Variants in ADGRE2 observed in about 807,000 individuals in gnomAD.
ADGRE2 encodes the protein adhesion G protein-coupled receptor E2, also known as CD97 antigen.
Under a neutral mutation model 100.8 loss-of-function variants are expected in ADGRE2, and 83 were observed. The observed-to-expected ratio is 0.82, with a 90% confidence interval of 0.69 to 0.99. ADGRE2 has a LOEUF of 0.99. ADGRE2 is among the 50% of genes least tolerant of loss of function. The probability of loss-of-function intolerance (pLI) is 0.00; values close to 1 mark genes in which losing one functional copy is unlikely to be tolerated. For synonymous variants in ADGRE2, 355 were observed against 413.0 expected (o/e 0.86, Z 1.70); for missense variants, 814 against 1,035.7 (o/e 0.79, Z 2.94).
chr19:14,778,022 G>C (rs1476437157), intron 1 of ADGRE2, among the ~76,000 whole-genome samples: 1 of 152,154 alleles, frequency 6.6e-6, no homozygotes, highest in Non-Finnish European at 1.5e-5. Flanking sequence ...CAATGGGATC[G>C]CTGAGTCAAA....
At chr19:14,752,253 C>A in intron 15 of ADGRE2, 76 bp downstream of exon 15, 3 of 1,562,392 alleles carry the variant, frequency 1.9e-6, no homozygotes, top group Non-Finnish European at 2.6e-6. Flanking sequence ...ATTAAGGAAT[C>A]AAATGCCGCA....
rs780336044 is a variant in ADGRE2, at chr19:14,751,640, T to A, written c.1820A>T (p.His607Leu). 6 of 1,613,862 alleles carry A rather than the reference T, an allele frequency of 3.7e-6. No homozygotes were observed. Among genetic ancestry groups the A allele is most frequent in the Non-Finnish European group, 5.1e-6 (6 of 1,180,000 alleles). Residue 607 changes from histidine (H) to leucine (L), a missense_variant, in exon 16 of 21, where the codon CAC (histidine) becomes CTC (leucine). By Grantham distance (99) the His-to-Leu change is moderately conservative. Transcript: ENST00000315576. Reference sequence around the variant, plus strand: ...GGTCAAGGTGGCCAGGTAGAGATAGTGCAAGGTACCGGCGATGATGGAGCA... The same window carrying A: ...GGTCAAGGTGGCCAGGTAGAGATAGAGCAAGGTACCGGCGATGATGGAGCA... ...VLCSIIAGTL[H>L]YLYLATLTWM...
rs2286363 is a variant in ADGRE2, at chr19:14,776,877, G to A, written c.-121C>T. On this transcript the variant is annotated 5_prime_UTR_variant, in exon 2 of 21. Transcript: ENST00000315576. ...CCGAGGCCAGGACTTTATAAAGGAG[G>A]GGGGGCGGACAGCCGCTGGCCCAGG... 27 of 1,535,736 alleles carry A rather than the reference G, an allele frequency of 1.8e-5. No individual in the cohort carries two copies. The highest frequency in any genetic ancestry group is 1.7e-4 in the Admixed American group (8 of 47,702).
At chr19:14,762,635 A>G (rs199808545) in intron 11 of ADGRE2, among the ~76,000 whole-genome samples, 5 of 147,456 alleles carry the variant, frequency 3.4e-5, no homozygotes, top group South Asian at 2.2e-4. Flanking sequence ...TCTTATTTTT[A>G]TTTTTAATTT....
Position 14,743,665 on chromosome 19 carries a change from C to T in ADGRE2, c.2303G>A (p.Ser768Asn). 6.2e-7 allele frequency: 1 copy of T among 1,614,182 alleles called. No homozygotes were observed. Among genetic ancestry groups the T allele is most frequent in the Non-Finnish European group, 8.5e-7 (1 of 1,180,028 alleles). ...CAGGAAGATGAAGACACCCTGCAGG[C>T]TGTTGATGATGGTGAAGAGGTAGGC... ...VMAYLFTIIN[S>N]LQGVFIFLVY... The change falls in exon 19 of 21, where the codon AGC (serine) becomes AAC (asparagine). Residue 768 changes from serine to asparagine, a missense_variant. Around this residue, in one of 5 missense-constraint regions of ADGRE2, gnomAD observed 569 missense variants for 692.7 expected, o/e 0.82. Transcript: ENST00000315576.
In ADGRE2 at chr19:14,751,641, G is replaced by A. The variant is rs1360727317; in HGVS notation, c.1819C>T (p.His607Tyr). ...GTCAAGGTGGCCAGGTAGAGATAGT[G>A]CAAGGTACCGGCGATGATGGAGCAC... ...VLCSIIAGTL[H>Y]YLYLATLTWM... is the part of the protein sequence containing the mutation. The change falls in exon 16 of 21, where the codon CAC becomes TAC. Residue 607 changes from histidine to tyrosine, a missense_variant. This residue lies in a region of ADGRE2 where 569 missense variants were observed against 692.7 expected (regional missense o/e 0.82). Transcript: ENST00000315576. The A allele has an allele frequency of 6.2e-7, 1 of 1,613,932 alleles. No individual in the cohort carries two copies. The highest frequency in any genetic ancestry group is 1.7e-5 in the Admixed American group (1 of 59,978).
rs1274626509 is a variant in ADGRE2 at position 14,755,104 on chromosome 19, C to T, written c.1440G>A (p.Val480=). Residue 480 remains valine, a synonymous_variant, in exon 14 of 21, where the codon GTG becomes GTA. Transcript: ENST00000315576. ...SHRSVIPRQK[V]LCVFWEHGQN... ...GGCCATGCTCCCAGAAGACACAGAGCACCTTCTGTCTCGGGATCACTGACT... is the reference window on the plus strand; with the variant it reads ...GGCCATGCTCCCAGAAGACACAGAGTACCTTCTGTCTCGGGATCACTGACT... 1 of 1,613,982 alleles carries T rather than the reference C, an allele frequency of 6.2e-7. No individual in the cohort carries two copies. The highest frequency in any genetic ancestry group is 8.5e-7 in the Non-Finnish European group (1 of 1,179,968).
intron 5 of ADGRE2, among the ~76,000 whole-genome samples, chr19:14,769,578 A>G (rs1180752979): frequency 6.6e-6 from 1 of 152,096 alleles, no homozygotes; most frequent in Non-Finnish European, 1.5e-5. Flanking sequence ...TTCTGTGCGG[A>G]TGGGGTCCAT....
chr19:14,767,135 A>G (rs11672806), intron 5 of ADGRE2, 26 bp from the exon 6 acceptor site: 162,574 of 1,448,440 alleles, frequency 0.11, 19,320 homozygotes, highest in Non-Finnish European at 0.12. Flanking sequence ...GAGGGTGAAG[A>G]ATGCCCGTAG....
At chr19:14,768,546 TC>T (rs1477703339) in intron 5 of ADGRE2, among the ~76,000 whole-genome samples, 1 of 152,170 alleles carries the variant, frequency 6.6e-6, no homozygotes, top group Non-Finnish European at 1.5e-5. Flanking sequence ...ATGGTTCCAC[TC>T]CCATGGGATC....
intron 11 of ADGRE2, among the ~76,000 whole-genome samples, chr19:14,757,857 G>A (rs2147299962): frequency 6.6e-6 from 1 of 152,326 alleles, no homozygotes; most frequent in East Asian, 1.9e-4. Context: ...AGGCTGGAGT[G>A]TAGTGGCACA....
chr19:14,744,465 T>C (rs12977267), intron 18 of ADGRE2, among the ~76,000 whole-genome samples: 22,754 of 152,056 alleles, frequency 0.15, 1,851 homozygotes, highest in Middle Eastern at 0.22. Context: ...TTTATTTATT[T>C]ATTTTTTTGA....
intron 10 of ADGRE2, 94 bp from the exon 11 acceptor site, chr19:14,764,704 A>G: frequency 7.7e-7 from 1 of 1,306,696 alleles, no homozygotes; most frequent in Non-Finnish European, 1.0e-6. Flanking sequence ...GATCCTAGAG[A>G]CTGTCTATCT....
chr19:14,766,477 G>A, intron 6 of ADGRE2, 96 bp from the exon 7 acceptor site: 9 of 1,401,656 alleles, frequency 6.4e-6, no homozygotes, highest in Non-Finnish European at 8.7e-6. Context: ...CATTGCCTCA[G>A]ACTGAAGACC....
At position 14,741,642 on chromosome 19, in the gene ADGRE2, A is replaced by AAT. The variant is rs1555781037; in HGVS notation, c.2463+1777_2463+1778insAT. On this transcript the variant is annotated intron_variant, in intron 20 of 20. Coordinates refer to ENST00000315576, the MANE Select transcript of ADGRE2 (RefSeq NM_013447.4). ...CAGTCGCCCACCACCACGCCTGGCTATTTTTTTTTTTTTTTTGTATTTTTA... is the reference window on the plus strand; with the variant it reads ...CAGTCGCCCACCACCACGCCTGGCTAATTTTTTTTTTTTTTTTTGTATTTTTA... The AAT allele has an allele frequency of 1.9e-3, 238 of 125,042 alleles. 3 individuals carry two copies. Among genetic ancestry groups the AAT allele is most frequent in the African/African-American group, 7.9e-3 (234 of 29,468 alleles). 7.7% of individuals were successfully genotyped at this position (125,042 alleles called of 1,614,324 possible).
chr19:14,746,810 T>G, intron 17 of ADGRE2, 86 bp downstream of exon 17: 1 of 1,351,956 alleles, frequency 7.4e-7, no homozygotes, highest in Non-Finnish European at 1.0e-6. Context: ...CCAGGGGACA[T>G]TCCTGCTCTT....
At chr19:14,769,415 G>A (rs1003545545) in intron 5 of ADGRE2, among the ~76,000 whole-genome samples, 2 of 152,078 alleles carry the variant, frequency 1.3e-5, no homozygotes, top group African/African-American at 4.8e-5. Flanking sequence ...CTGAGGGAGT[G>A]GCCCCAGGTC....
intron 11 of ADGRE2, among the ~76,000 whole-genome samples, chr19:14,760,028 C>T (rs2043659629): frequency 6.6e-6 from 1 of 151,876 alleles, no homozygotes; most frequent in African/African-American, 2.4e-5. Flanking sequence ...CCCTGTTAGC[C>T]AGGATGGTGT....
intron 16 of ADGRE2, among the ~76,000 whole-genome samples, chr19:14,750,567 GCAAACAAA>G (rs58778534): frequency 5.9e-5 from 9 of 151,274 alleles, no homozygotes; most frequent in African/African-American, 2.2e-4. Context: ...AGTGCAATTG[GCAAACAAA>G]CAAACAAACA....
Sources: allele counts gnomAD v4.1 joint callset (sites outside exome capture counted in the v4.1 genomes callset), GRCh38; gene constraint gnomAD v4.1.1; regional missense constraint gnomAD v4.1.1; transcripts MANE v1.5; gene names NCBI Gene and HGNC (gene_info 2026-07-23, HGNC 2026-07-21).